NKIRAS1: variants seen among roughly 807,000 people sequenced by gnomAD.
The protein encoded by NKIRAS1 is NF-kappa-B inhibitor-interacting Ras-like protein 1.
A neutral mutation model predicts 19.8 loss-of-function variants in NKIRAS1; 16 were observed. The observed-to-expected ratio is 0.81, with a 90% confidence interval of 0.55 to 1.23. The LOEUF (loss-of-function observed/expected upper bound fraction) is 1.23, where lower values mean the gene tolerates loss of function less well. Ranked by LOEUF, NKIRAS1 falls within the 50% of genes most tolerant of loss-of-function variation. NKIRAS1 has a pLI of 0.00. For missense variants in NKIRAS1, 184 were observed against 220.0 expected (o/e 0.84, Z 1.04); for synonymous variants, 88 against 79.0 (o/e 1.11, Z -0.61).
intron 1 of NKIRAS1, among the ~76,000 whole-genome samples, chr3:23,937,257 G>C (rs1705411610): frequency 6.6e-6 from 1 of 152,078 alleles, no homozygotes; most frequent in African/African-American, 2.4e-5. Context: ...TGTAGTCCCA[G>C]CTACTCGGTA....
At chr3:23,944,508 A>G (rs1705575690) in intron 1 of NKIRAS1, among the ~76,000 whole-genome samples, 1 of 152,162 alleles carries the variant, frequency 6.6e-6, no homozygotes, top group African/African-American at 2.4e-5. Flanking sequence ...CACGCATACA[A>G]TTTATGTCTA....
intron 1 of NKIRAS1, among the ~76,000 whole-genome samples, chr3:23,944,976 G>A (rs1394515457): frequency 1.3e-5 from 2 of 152,020 alleles, no homozygotes; most frequent in Non-Finnish European, 2.9e-5. Flanking sequence ...GGCGTGGAGA[G>A]GACTCCCGGC....
chr3:23,890,510 C>T lies in NKIRAS1; in HGVS notation c.*2585G>A, dbSNP rs749823105. ...GTAATCTACATTCTTTTCTTCCAGCCGACCCCTTGGTGGGAAGTATTGCCA... is the reference window on the plus strand; with the variant it reads ...GTAATCTACATTCTTTTCTTCCAGCTGACCCCTTGGTGGGAAGTATTGCCA... On this transcript the variant is annotated 3_prime_UTR_variant, in exon 5 of 5. Transcript: ENST00000425478. The T allele has an allele frequency of 1.1e-5, 17 of 1,609,592 alleles. No homozygotes were observed. The highest frequency in any genetic ancestry group is 2.2e-5 in the East Asian group (1 of 44,584).
chr3:23,926,184 T>G lies in NKIRAS1; in HGVS notation c.-139-14734A>C, dbSNP rs1705208384. Among the ~76,000 whole-genome samples the G allele has an allele frequency of 1.3e-5, 2 of 152,176 alleles. No individual in the cohort carries two copies. The highest frequency in any genetic ancestry group is 1.3e-4 in the Admixed American group (2 of 15,274). On this transcript the variant is annotated intron_variant, in intron 1 of 4. Coordinates refer to the NKIRAS1 transcript ENST00000421515. This position sits in a 1 kb window ranked among gnomAD's most constrained non-coding sequence, Gnocchi z 4.3. ...TCCCTGCCTCAGCCTCCCAAGTAGCTGGGATTACAGGCACCCGCCACCACG... is the reference window on the plus strand; with the variant it reads ...TCCCTGCCTCAGCCTCCCAAGTAGCGGGGATTACAGGCACCCGCCACCACG...
intron 3 of NKIRAS1, 57 bp downstream of exon 3, chr3:23,910,753 CA>C (rs1703616564): frequency 7.6e-7 from 1 of 1,308,670 alleles, no homozygotes; most frequent in Admixed American, 1.7e-5. Flanking sequence ...GCATGACCAA[CA>C]AAAGACCCCT....
At chr3:23,921,723 C>T, upstream of NKIRAS1, 1 of 640,558 alleles carries the variant, frequency 1.6e-6, no homozygotes. Context: ...TACAGGCGCA[C>T]ACTGCCATGC....
At chr3:23,945,514 C>CGGG (rs1342648876) in intron 1 of NKIRAS1, 3 of 1,019,190 alleles carry the variant, frequency 2.9e-6, no homozygotes, top group African/African-American at 1.7e-5. Context: ...GGCGCTGAGG[C>CGGG]GGCGGCGGCG....
chr3:23,926,280 G>A lies in NKIRAS1; in HGVS notation c.-139-14830C>T, dbSNP rs1705210414. Reference sequence around the variant, plus strand: ...TTGGCCAGGCTGGTCTCAAACGCCTGACCTTAGGTGATCCACCTGCCTTGG... The same window carrying A: ...TTGGCCAGGCTGGTCTCAAACGCCTAACCTTAGGTGATCCACCTGCCTTGG... On this transcript the variant is annotated intron_variant, in intron 1 of 4. Transcript: ENST00000421515. The surrounding 1 kb of genome is among the most constrained non-coding windows in gnomAD (Gnocchi z 4.3). Among the ~76,000 whole-genome samples the A allele has an allele frequency of 6.6e-6, 1 of 152,198 alleles. No homozygotes were observed. Among genetic ancestry groups the A allele is most frequent in the Non-Finnish European group, 1.5e-5 (1 of 68,038 alleles).
At position 23,922,390 on chromosome 3, in the gene NKIRAS1, T is replaced by G. The variant is rs1705119367; in HGVS notation, c.-139-10940A>C. On this transcript the variant is annotated intron_variant, in intron 1 of 4. Coordinates refer to the NKIRAS1 transcript ENST00000421515. This position sits in a 1 kb window ranked among gnomAD's most constrained non-coding sequence, Gnocchi z 4.2. ...AATTCAAATCCTATACACTTAAAGT[T>G]TATTTGTTTTGTTTTGGTTTTTTTT... 1 of 152,184 alleles carries G rather than the reference T, an allele frequency of 6.6e-6. No individual in the cohort carries two copies. 9.4% of individuals were successfully genotyped at this position (152,184 alleles called of 1,614,324 possible).
At chr3:23,937,283 A>G (rs920093718) in intron 1 of NKIRAS1, among the ~76,000 whole-genome samples, 39 of 152,126 alleles carry the variant, frequency 2.6e-4, no homozygotes, top group Middle Eastern at 3.2e-3. Context: ...AGGCACGAGA[A>G]TCGCCTGAAC....
At position 23,893,103 on chromosome 3, in the gene NKIRAS1, C is replaced by A; in HGVS notation, c.571G>T (p.Glu191Ter). The change falls in exon 5 of 5, where the codon GAG becomes TAG. Residue 191 changes from glutamate to a stop codon, truncating the protein, a stop_gained. Coordinates refer to ENST00000425478, the MANE Select transcript of NKIRAS1 (RefSeq NM_020345.4). LOFTEE classifies it high-confidence loss of function. Reference sequence around the variant, plus strand: ...GTGGAAATTACTGATTTTTAGTTCTCAGAATTAGAGTTCCCTTTGTTTTTC... The same window carrying A: ...GTGGAAATTACTGATTTTTAGTTCTAAGAATTAGAGTTCCCTTTGTTTTTC... Reference protein sequence around the residue: ...GRKNKGNSNSEN With the variant: ...GRKNKGNSNS 1 of 1,550,778 alleles carries A rather than the reference C, an allele frequency of 6.4e-7. No individual in the cohort carries two copies. Among genetic ancestry groups the A allele is most frequent in the Non-Finnish European group, 8.7e-7 (1 of 1,153,060 alleles).
upstream of NKIRAS1, chr3:23,917,817 G>A (rs763388523): frequency 7.6e-6 from 12 of 1,571,352 alleles, no homozygotes; most frequent in Admixed American, 1.8e-5. Flanking sequence ...TACTTAAAGC[G>A]GATGATATTT....
intron 3 of NKIRAS1, 42 bp from the exon 4 acceptor site, chr3:23,901,091 T>C: frequency 6.2e-7 from 1 of 1,603,794 alleles, no homozygotes; most frequent in Non-Finnish European, 8.5e-7. Context: ...GCTAAGTCAG[T>C]GTCAACTGCT....
intron 1 of NKIRAS1, among the ~76,000 whole-genome samples, chr3:23,924,769 C>T (rs182591455): frequency 1.4e-3 from 211 of 152,290 alleles, no homozygotes; most frequent in Non-Finnish European, 2.7e-3. Context: ...TGTTCATTTT[C>T]GCCTTTCAAT....
chr3:23,942,827 C>G (rs1705530902), intron 1 of NKIRAS1, among the ~76,000 whole-genome samples: 1 of 152,182 alleles, frequency 6.6e-6, no homozygotes, highest in Admixed American at 6.5e-5. Flanking sequence ...TGACTTACTG[C>G]AGCCTCAACC....
chr3:23,919,179 C>CT (rs767057529), upstream of NKIRAS1: 13 of 1,593,248 alleles, frequency 8.2e-6, no homozygotes, highest in South Asian at 2.2e-5. Flanking sequence ...GACCTTGGGC[C>CT]TTTTTTCCTA....
At chr3:23,943,015 A>G (rs376094146) in intron 1 of NKIRAS1, among the ~76,000 whole-genome samples, 20 of 152,298 alleles carry the variant, frequency 1.3e-4, no homozygotes, top group African/African-American at 1.9e-4. Flanking sequence ...TCAGTCTCCC[A>G]AAGTGCTGGG....
At position 23,926,871 on chromosome 3, in the gene NKIRAS1, G is replaced by A. The variant is rs1351596132; in HGVS notation, c.-139-15421C>T. Among the ~76,000 whole-genome samples the A allele has an allele frequency of 6.6e-6, 1 of 152,208 alleles. No individual in the cohort carries two copies. The highest frequency in any genetic ancestry group is 2.4e-5 in the African/African-American group (1 of 41,456). On this transcript the variant is annotated intron_variant, in intron 1 of 4. Transcript: ENST00000421515. The surrounding 1 kb of genome is among the most constrained non-coding windows in gnomAD (Gnocchi z 4.3). ...TTATAAATATTCATCATTCAGAGAA[G>A]AAACAATTCTTTGGATTTGTCCTAG...
intron 4 of NKIRAS1, among the ~76,000 whole-genome samples, chr3:23,898,250 G>T (rs1336766049): frequency 1.3e-5 from 2 of 151,918 alleles, no homozygotes; most frequent in Non-Finnish European, 2.9e-5. Context: ...AAGTAAATTA[G>T]TATTCTAAAT....
Sources: gnomAD v4.1 joint callset for allele counts (sites outside exome capture counted in the v4.1 genomes callset) on GRCh38, gnomAD v4.1.1 for gene constraint, Gnocchi (gnomAD v3.1) non-coding constraint, MANE v1.5 for transcripts, NCBI Gene and HGNC (gene_info 2026-07-23, HGNC 2026-07-21) for gene names.